Variants in TMEM212 observed in about 807,000 individuals in gnomAD.
TMEM212 encodes the protein transmembrane protein 212.
A neutral mutation model predicts 20.5 loss-of-function variants in TMEM212; 23 were observed. That is an observed-to-expected ratio of 1.12 (90% CI 0.81 to 1.59). The LOEUF (loss-of-function observed/expected upper bound fraction) is 1.59, where lower values mean the gene tolerates loss of function less well. Among genes scored for constraint, TMEM212 ranks in the 40% most tolerant of loss-of-function variants. The pLI is 0.00. For missense variants in TMEM212, 211 were observed against 215.0 expected, an observed-to-expected ratio of 0.98 and a Z score of 0.12; for synonymous variants, 76 against 81.6, an observed-to-expected ratio of 0.93 and a Z score of 0.37.
rs1323123012 is a variant in TMEM212 at position 171,853,627 on chromosome 3, A to G, written c.320A>G (p.Tyr107Cys). ...GCTCTCCTGGGCCCATATTGCTTCT[A>G]TTCATTTTCAGGGATTGCAGGGACT... ...ESALLGPYCF[Y>C]SFSGIAGTNY... The change falls in exon 3 of 5, where the codon TAT becomes TGT. Residue 107 changes from tyrosine (Y) to cysteine (C), a missense_variant. By Grantham distance (194) the Tyr-to-Cys change is radical (BLOSUM62 -2). Coordinates refer to ENST00000334567, the MANE Select transcript of TMEM212 (RefSeq NM_001164436.2). 2 of 1,537,212 alleles carry G rather than the reference A, an allele frequency of 1.3e-6. No homozygotes were observed. The highest frequency in any genetic ancestry group is 2.4e-5 in the East Asian group (1 of 40,920).
chr3:171,851,796 T>C (rs1489556994), intron 1 of TMEM212, among the ~76,000 whole-genome samples, 186 bp from the exon 2 acceptor site: 3 of 152,252 alleles, frequency 2.0e-5, no homozygotes, highest in South Asian at 2.1e-4. Flanking sequence ...ATGACACTAA[T>C]GGCTTACTTT....
chr3:171,844,482 C>T (rs111601065), intron 1 of TMEM212, among the ~76,000 whole-genome samples: 2,564 of 152,180 alleles, frequency 0.017, 36 homozygotes, highest in Non-Finnish European at 0.022. Flanking sequence ...CCAAGGGGAG[C>T]GGATCACGAG....
rs1206059788 is a variant in TMEM212 at position 171,858,916 on chromosome 3, A to T, written c.*859A>T. ...GAACCAACCCAAATATCCATCAATG[A>T]TAGATTGGATTAAGAAAATGTGGCA... On this transcript the variant is annotated 3_prime_UTR_variant, in exon 5 of 5. Coordinates refer to ENST00000334567, the MANE Select transcript of TMEM212 (RefSeq NM_001164436.2). The T allele has an allele frequency of 6.6e-6, 1 of 152,184 alleles. No homozygotes were observed. The highest frequency in any genetic ancestry group is 2.4e-5 in the African/African-American group (1 of 41,428). The allele number at this position is 152,184 out of a possible 1,614,324, so 9.4% of individuals were successfully genotyped here. A position where few individuals can be genotyped will look rare whatever the true frequency, so the allele number is the denominator to read the frequency against.
intron 1 of TMEM212, among the ~76,000 whole-genome samples, chr3:171,844,477 G>A (rs1156279532): frequency 6.6e-6 from 1 of 152,186 alleles, no homozygotes; most frequent in African/African-American, 2.4e-5. Flanking sequence ...GGAAGCCAAG[G>A]GGAGCGGATC....
intron 1 of TMEM212, among the ~76,000 whole-genome samples, chr3:171,848,965 C>T (rs1040905304): frequency 1.3e-5 from 2 of 151,854 alleles, no homozygotes; most frequent in African/African-American, 4.8e-5. Flanking sequence ...AAAAATCTTT[C>T]ACGTTGCTTC....
intron 1 of TMEM212, among the ~76,000 whole-genome samples, chr3:171,845,399 T>C (rs1391728451): frequency 1.3e-5 from 2 of 152,226 alleles, no homozygotes; most frequent in Non-Finnish European, 2.9e-5. Context: ...TTCTATTTCA[T>C]TTAATTTTTT....
chr3:171,854,669 A>G (rs1266344868), intron 3 of TMEM212, among the ~76,000 whole-genome samples: 2 of 152,226 alleles, frequency 1.3e-5, no homozygotes, highest in African/African-American at 4.8e-5. Flanking sequence ...TAGATCTACA[A>G]AAGACCACAC....
At chr3:171,844,354 T>C (rs534084532) in intron 1 of TMEM212, among the ~76,000 whole-genome samples, 123 of 152,288 alleles carry the variant, frequency 8.1e-4, no homozygotes, top group African/African-American at 2.8e-3. Context: ...CGCCTGACAC[T>C]ACTGGAGACT....
chr3:171,848,286 T>A (rs1578514927), intron 1 of TMEM212, among the ~76,000 whole-genome samples: 1 of 152,188 alleles, frequency 6.6e-6, no homozygotes. Flanking sequence ...AGGATGCCCA[T>A]GCTGCTGGTC....
chr3:171,851,642 A>G (rs973266700), intron 1 of TMEM212, among the ~76,000 whole-genome samples: 2 of 152,236 alleles, frequency 1.3e-5, no homozygotes, highest in African/African-American at 2.4e-5. Context: ...TGAACGATAG[A>G]CATTTAATCA....
intron 1 of TMEM212, among the ~76,000 whole-genome samples, chr3:171,844,655 G>T (rs571811066): frequency 7.9e-5 from 12 of 152,054 alleles, no homozygotes; most frequent in African/African-American, 2.2e-4. Flanking sequence ...GCAGTGAGCC[G>T]AGATCATACC....
Position 171,843,436 on chromosome 3 carries a change from T to G in TMEM212, c.53T>G (p.Leu18Arg), listed in dbSNP as rs1249148349. 1 of 1,536,722 alleles carries G rather than the reference T, an allele frequency of 6.5e-7. No homozygotes were observed. The highest frequency in any genetic ancestry group is 2.4e-5 in the East Asian group (1 of 40,906). Residue 18 changes from leucine to arginine, a missense_variant, in exon 1 of 5, where the codon CTC becomes CGC. Transcript: ENST00000334567. ...AGRILVTLGI[L>R]SVCSGVIAFF... Reference sequence around the variant, plus strand: ...CGGATTCTTGTTACTCTGGGGATCCTCAGTGTATGCTCTGGAGTTATTGCT... The same window carrying G: ...CGGATTCTTGTTACTCTGGGGATCCGCAGTGTATGCTCTGGAGTTATTGCT...
chr3:171,847,410 C>T (rs1724860929), intron 1 of TMEM212, among the ~76,000 whole-genome samples: 1 of 152,200 alleles, frequency 6.6e-6, no homozygotes, highest in Non-Finnish European at 1.5e-5. Context: ...AAGTTCTGCC[C>T]CTTCCTCGAC....
At position 171,859,047 on chromosome 3, in the gene TMEM212, A is replaced by G. The variant is rs900460318; in HGVS notation, c.*990A>G. The G allele has an allele frequency of 2.6e-5, 4 of 152,290 alleles. No homozygotes were observed. The highest frequency in any genetic ancestry group is 9.6e-5 in the African/African-American group (4 of 41,462). The allele number at this position is 152,290 out of a possible 1,614,324, so 9.4% of individuals were successfully genotyped here. A position where few individuals can be genotyped will look rare whatever the true frequency, so the allele number is the denominator to read the frequency against. ...CCATCATTCTCCGCAAACTGTCACA[A>G]GGACAGAAAACCAAACACCACATGT... On this transcript the variant is annotated 3_prime_UTR_variant, in exon 5 of 5. Coordinates refer to ENST00000334567, the MANE Select transcript of TMEM212 (RefSeq NM_001164436.2).
At chr3:171,851,792 C>G (rs897562830) in intron 1 of TMEM212, among the ~76,000 whole-genome samples, 190 bp from the exon 2 acceptor site, 1 of 152,198 alleles carries the variant, frequency 6.6e-6, no homozygotes, top group Non-Finnish European at 1.5e-5. Context: ...CTTTATGACA[C>G]TAATGGCTTA....
rs558250461 is a variant in TMEM212, at chr3:171,853,999, G to A, written c.543+149G>A. The stretch of plus-strand genomic sequence containing the variant: ...CCAGGTCTGGCACATAATAGGTACT[G>A]AATAATTGTTTTTGAATTAATAAAT... On this transcript the variant is annotated intron_variant, in intron 3 of 4. Coordinates refer to ENST00000334567, the MANE Select transcript of TMEM212 (RefSeq NM_001164436.2). 8.0e-4 allele frequency: 508 copies of A among 636,698 alleles called. 12 individuals carry two copies. In the South Asian group the frequency reaches 0.011, roughly 14 times the overall value. 39.4% of individuals were successfully genotyped at this position (636,698 alleles called of 1,614,324 possible).
Position 171,843,477 on chromosome 3 carries a change from TC to T in TMEM212, c.95del (p.Ser32PhefsTer50), listed in dbSNP as rs1305716267. 3.4e-5 allele frequency: 53 copies of T among 1,537,086 alleles called. No homozygotes were observed. The highest frequency in any genetic ancestry group is 4.5e-5 in the Non-Finnish European group (52 of 1,146,864). The stretch of plus-strand genomic sequence containing the variant: ...AGTTATTGCTTTCTTTCCTGTCTTT[TC>T]TTACAAGCCTTGGTTCACAGGATGG... ...SGVIAFFPVFSYKPWFTGWSV... is the reference protein window; with the variant it reads ...SGVIAFFPVFXYKPWFTGWSV... On this transcript the variant is annotated frameshift_variant, in exon 1 of 5. Coordinates refer to ENST00000334567, the MANE Select transcript of TMEM212 (RefSeq NM_001164436.2). LOFTEE classifies it high-confidence loss of function.
At chr3:171,847,937 T>C (rs2108378960) in intron 1 of TMEM212, among the ~76,000 whole-genome samples, 1 of 152,296 alleles carries the variant, frequency 6.6e-6, no homozygotes, top group South Asian at 2.1e-4. Flanking sequence ...TAGGAGAAGG[T>C]TCAGGAACCT....
chr3:171,852,221 G>C (rs1724993126), intron 2 of TMEM212, among the ~76,000 whole-genome samples, 180 bp downstream of exon 2: 2 of 150,012 alleles, frequency 1.3e-5, no homozygotes, highest in African/African-American at 4.9e-5. Context: ...TTTTTTTTGA[G>C]ACGGAGTTTT....
Sources: allele counts gnomAD v4.1 joint callset (sites outside exome capture counted in the v4.1 genomes callset), GRCh38; gene constraint gnomAD v4.1.1; transcripts MANE v1.5; gene names NCBI Gene and HGNC (gene_info 2026-07-23, HGNC 2026-07-21).